The following MOB3B variants were observed in gnomAD, a reference collection of about 807,000 sequenced individuals.
The protein encoded by MOB3B is MOB kinase activator-like 2B.
MOB3B carries 7 observed loss-of-function variants against 18.7 expected under a neutral mutation model. The ratio of observed to expected loss-of-function variants is 0.37; its 90% CI spans 0.21 to 0.70. The LOEUF is 0.70. Among genes scored for constraint, MOB3B ranks in the 30% least tolerant of loss-of-function variants. The pLI is 0.52. For synonymous variants in MOB3B, 111 were observed against 99.9 expected, an observed-to-expected ratio of 1.11 and a Z score of -0.66; for missense variants, 253 against 281.3, an observed-to-expected ratio of 0.90 and a Z score of 0.72.
chr9:27,524,949 AGGAGG>A (rs1193078002), intron 1 of MOB3B: 3 of 1,584,748 alleles, frequency 1.9e-6, no homozygotes, highest in African/African-American at 2.7e-5. Flanking sequence ...AGCTCTATTC[AGGAGG>A]AAATAAGGTA....
chr9:27,511,153 A>G (rs2492817), intron 1 of MOB3B, among the ~76,000 whole-genome samples: 44,253 of 151,776 alleles, frequency 0.29, 6,595 homozygotes, highest in Middle Eastern at 0.36. Context: ...AGTCTTTCTC[A>G]AAAAAGCTAT....
intron 1 of MOB3B, among the ~76,000 whole-genome samples, chr9:27,515,368 T>C (rs1196754576): frequency 1.3e-5 from 2 of 152,122 alleles, no homozygotes; most frequent in Admixed American, 6.6e-5. Context: ...AAAAAGACAA[T>C]GTGGCCTCAG....
intron 2 of MOB3B, among the ~76,000 whole-genome samples, chr9:27,376,025 A>G (rs1587165559): frequency 6.6e-6 from 1 of 152,324 alleles, no homozygotes; most frequent in Admixed American, 6.5e-5. Flanking sequence ...AATCACTGGT[A>G]ATATTTTGTT....
intron 1 of MOB3B, among the ~76,000 whole-genome samples, chr9:27,458,390 C>T (rs950010767): frequency 1.3e-5 from 2 of 152,094 alleles, no homozygotes; most frequent in Admixed American, 6.5e-5. Flanking sequence ...ATAATCACAA[C>T]AAATCCTCCT....
intron 1 of MOB3B, chr9:27,524,322 T>C: frequency 6.2e-7 from 1 of 1,602,038 alleles, no homozygotes; most frequent in Non-Finnish European, 8.5e-7. Flanking sequence ...CTGGATTTTT[T>C]AGCTTGCAAA....
intron 2 of MOB3B, among the ~76,000 whole-genome samples, chr9:27,417,265 G>A (rs543641642): frequency 1.2e-4 from 18 of 152,332 alleles, no homozygotes; most frequent in African/African-American, 4.3e-4. Context: ...TCGGGAGGCT[G>A]AGGCAGGAGA....
intron 2 of MOB3B, among the ~76,000 whole-genome samples, chr9:27,449,194 C>A (rs1484307185): frequency 6.6e-6 from 1 of 152,146 alleles, no homozygotes; most frequent in Non-Finnish European, 1.5e-5. Context: ...GTATTTATAA[C>A]CCTCATCACA....
intron 1 of MOB3B, among the ~76,000 whole-genome samples, chr9:27,493,458 G>T (rs1289383474): frequency 6.6e-6 from 1 of 152,056 alleles, no homozygotes; most frequent in Non-Finnish European, 1.5e-5. Context: ...GGCTAACATG[G>T]TGAAACCCTG....
At chr9:27,528,171 C>T (rs1820465977) in intron 1 of MOB3B, among the ~76,000 whole-genome samples, 1 of 152,240 alleles carries the variant, frequency 6.6e-6, no homozygotes, top group South Asian at 2.1e-4. Context: ...CATAAGGCTT[C>T]CTCGTTATTT....
At chr9:27,352,386 A>G (rs984106341) in intron 3 of MOB3B, among the ~76,000 whole-genome samples, 2 of 152,048 alleles carry the variant, frequency 1.3e-5, no homozygotes, top group Admixed American at 1.3e-4. Flanking sequence ...AAAAAAAAAA[A>G]AAAAAGTAAC....
chr9:27,527,678 A>T (rs191121042), intron 1 of MOB3B, among the ~76,000 whole-genome samples: 41 of 152,356 alleles, frequency 2.7e-4, no homozygotes, highest in African/African-American at 9.6e-4. Flanking sequence ...AGAGGGACTC[A>T]TTGGGGATCC....
At chr9:27,345,139 A>C (rs568627518) in intron 3 of MOB3B, among the ~76,000 whole-genome samples, 24 of 152,302 alleles carry the variant, frequency 1.6e-4, no homozygotes, top group South Asian at 1.5e-3. Context: ...CTTCACTGAA[A>C]TGGTGCATAT....
intron 3 of MOB3B, among the ~76,000 whole-genome samples, chr9:27,351,297 AG>A (rs1409603928): frequency 1.9e-5 from 1 of 53,172 alleles, no homozygotes; most frequent in Non-Finnish European, 3.9e-5. Flanking sequence ...TCATATCAGT[AG>A]TAATCCCAGT....
intron 1 of MOB3B, among the ~76,000 whole-genome samples, chr9:27,507,559 T>C (rs996986638): frequency 1.3e-5 from 2 of 152,216 alleles, no homozygotes; most frequent in African/African-American, 2.4e-5. Flanking sequence ...GTTGATTTCT[T>C]GGTTATTTCA....
intron 1 of MOB3B, among the ~76,000 whole-genome samples, chr9:27,514,635 G>T (rs1386646875): frequency 1.3e-5 from 2 of 152,156 alleles, no homozygotes; most frequent in African/African-American, 4.8e-5. Context: ...TAAATGTCAG[G>T]GCAGTCTTTC....
In MOB3B at chr9:27,490,726, G is replaced by C. The variant is rs531362743; in HGVS notation, c.-198-34978C>G. Among the ~76,000 whole-genome samples, 8 of 152,260 alleles carry C rather than the reference G, an allele frequency of 5.3e-5. No individual in the cohort carries two copies. In the South Asian group the frequency reaches 1.7e-3, roughly 32 times the overall value. Reference sequence around the variant, plus strand: ...ACAACTCCAAAGCCCACCTAATTAGGTTTCTTGACTCTCACTCCAGTGCTC... The same window carrying C: ...ACAACTCCAAAGCCCACCTAATTAGCTTTCTTGACTCTCACTCCAGTGCTC... On this transcript the variant is annotated intron_variant, in intron 1 of 3. Coordinates refer to ENST00000262244, the MANE Select transcript of MOB3B (RefSeq NM_024761.5).
rs1822193667 is a variant in MOB3B, at chr9:27,418,669, A to C, written c.418+36464T>G. On this transcript the variant is annotated intron_variant, in intron 2 of 3. Coordinates refer to ENST00000262244, the MANE Select transcript of MOB3B (RefSeq NM_024761.5). The stretch of plus-strand genomic sequence containing the variant: ...TTAAAACTCTCAGAAAAATCAGCAT[A>C]CAAGGGATATATCTTAATGTAATAA... Among the ~76,000 whole-genome samples the C allele has an allele frequency of 2.6e-5, 4 of 152,210 alleles. No homozygotes were observed. In the South Asian group the frequency reaches 8.3e-4, roughly 32 times the overall value.
intron 2 of MOB3B, among the ~76,000 whole-genome samples, chr9:27,423,262 G>C (rs1822282946): frequency 6.6e-6 from 1 of 152,104 alleles, no homozygotes; most frequent in Non-Finnish European, 1.5e-5. Context: ...ACAATCAAGG[G>C]TGATGAATGA....
intron 1 of MOB3B, among the ~76,000 whole-genome samples, chr9:27,482,370 T>C (rs944149206): frequency 6.6e-6 from 1 of 152,218 alleles, no homozygotes; most frequent in South Asian, 2.1e-4. Context: ...TTTGGGGGCT[T>C]ACTGGATACC....
Sources: allele counts gnomAD v4.1 joint callset (sites outside exome capture counted in the v4.1 genomes callset), GRCh38; gene constraint gnomAD v4.1.1; transcripts MANE v1.5; gene names NCBI Gene and HGNC (gene_info 2026-07-23, HGNC 2026-07-21).